Variants in PCSK5 observed in about 807,000 individuals in gnomAD.
PCSK5 encodes prohormone convertase 5.
PCSK5 carries 129 observed loss-of-function variants against 233.2 expected under a neutral mutation model. That is an observed-to-expected ratio of 0.55 (90% CI 0.48 to 0.64). The LOEUF is 0.64. PCSK5 is among the 30% of genes least tolerant of loss of function. The pLI, the probability that PCSK5 is intolerant of heterozygous loss-of-function variation, is 0.00. For synonymous variants in PCSK5, 825 were observed against 879.2 expected, an observed-to-expected ratio of 0.94 and a Z score of 1.09; for missense variants, 2,076 against 2,430.1, an observed-to-expected ratio of 0.85 and a Z score of 3.06.
At chr9:76,193,140 A>C in intron 20 of PCSK5, 2 of 1,059,780 alleles carry the variant, frequency 1.9e-6, no homozygotes, top group South Asian at 3.3e-5. Context: ...AATTCCCCAA[A>C]TCTGCCTCTC....
intron 1 of PCSK5, among the ~76,000 whole-genome samples, 189 bp downstream of exon 1, chr9:75,891,562 CA>C (rs1564063693): frequency 8.6e-5 from 12 of 138,792 alleles, no homozygotes; most frequent in East Asian, 4.0e-4. Flanking sequence ...CACACACACA[CA>C]CCCCAGAGTT....
chr9:75,961,835 C>G (rs1240306293), intron 2 of PCSK5, among the ~76,000 whole-genome samples: 2 of 152,202 alleles, frequency 1.3e-5, no homozygotes, highest in Non-Finnish European at 2.9e-5. Flanking sequence ...AAAAAATCAT[C>G]TCAACTGTTT....
At chr9:76,072,502 T>C (rs1025445462) in intron 7 of PCSK5, among the ~76,000 whole-genome samples, 12 of 152,270 alleles carry the variant, frequency 7.9e-5, no homozygotes, top group Non-Finnish European at 1.3e-4. Flanking sequence ...CTGTCTCATT[T>C]AAATTAAATT....
intron 1 of PCSK5, among the ~76,000 whole-genome samples, chr9:75,912,512 GATTCAGCATTT>G (rs1471090139): frequency 6.6e-6 from 1 of 152,162 alleles, no homozygotes; most frequent in Non-Finnish European, 1.5e-5. Context: ...TGGGGCTGGA[GATTCAGCATTT>G]CTAACAAGCT....
intron 2 of PCSK5, among the ~76,000 whole-genome samples, chr9:75,961,081 G>A (rs1392323172): frequency 6.6e-6 from 1 of 152,230 alleles, no homozygotes; most frequent in Non-Finnish European, 1.5e-5. Flanking sequence ...CAAAAGAGCT[G>A]TGTGGCTTAG....
intron 1 of PCSK5, among the ~76,000 whole-genome samples, chr9:75,928,100 G>T (rs1228222938): frequency 6.6e-6 from 1 of 152,180 alleles, no homozygotes; most frequent in Non-Finnish European, 1.5e-5. Context: ...AGAGTTGTGT[G>T]TAGAGTTGTG....
chr9:76,233,877 G>T (rs1430857409), intron 22 of PCSK5, among the ~76,000 whole-genome samples: 1 of 152,026 alleles, frequency 6.6e-6, no homozygotes, highest in Non-Finnish European at 1.5e-5. Flanking sequence ...AGAAGCATGA[G>T]GTCAGACATG....
chr9:76,337,172 T>C (rs1305622293), intron 34 of PCSK5, among the ~76,000 whole-genome samples: 1 of 148,782 alleles, frequency 6.7e-6, no homozygotes, highest in Non-Finnish European at 1.5e-5. Flanking sequence ...TTATTTTATG[T>C]TATCTTTTAT....
At chr9:76,266,705 C>T (rs1323904276) in intron 24 of PCSK5, among the ~76,000 whole-genome samples, 1 of 152,192 alleles carries the variant, frequency 6.6e-6, no homozygotes, top group Non-Finnish European at 1.5e-5. Flanking sequence ...CAGACTTAAG[C>T]AGCCACTTGT....
intron 7 of PCSK5, among the ~76,000 whole-genome samples, chr9:76,082,766 G>A (rs1323099392): frequency 6.6e-6 from 1 of 151,776 alleles, no homozygotes; most frequent in African/African-American, 2.4e-5. Flanking sequence ...ATCAGCAGGT[G>A]TATAATATTG....
intron 30 of PCSK5, among the ~76,000 whole-genome samples, chr9:76,316,416 A>C (rs1028874305): frequency 1.3e-5 from 2 of 152,036 alleles, no homozygotes; most frequent in Non-Finnish European, 2.9e-5. Context: ...GGAACAATGA[A>C]TCCATCAAAT....
At chr9:76,193,427 A>AT in intron 20 of PCSK5, 4 of 1,039,996 alleles carry the variant, frequency 3.8e-6, no homozygotes, top group Non-Finnish European at 3.9e-6. Context: ...AAAGCCAAAA[A>AT]GAAAAAAAAA....
At chr9:76,004,986 T>C (rs1194447082) in intron 3 of PCSK5, among the ~76,000 whole-genome samples, 2 of 152,258 alleles carry the variant, frequency 1.3e-5, no homozygotes, top group Non-Finnish European at 2.9e-5. Flanking sequence ...TAAGAAGATA[T>C]ATCTGGAGGT....
At chr9:76,134,057 C>T (rs3739728) in intron 9 of PCSK5, 52 bp from the exon 10 acceptor site, 69,483 of 1,119,460 alleles carry the variant, frequency 0.062, 3,594 homozygotes, top group East Asian at 0.27. Flanking sequence ...CTCTCTGCTT[C>T]CCCCATCTTT....
chr9:76,153,773 G>A (rs2131805974), intron 10 of PCSK5, among the ~76,000 whole-genome samples: 1 of 152,172 alleles, frequency 6.6e-6, no homozygotes, highest in Non-Finnish European at 1.5e-5. Flanking sequence ...TATGACACTT[G>A]GTGAATTAAA....
intron 16 of PCSK5, among the ~76,000 whole-genome samples, chr9:76,183,449 G>A (rs73458388): frequency 0.011 from 1,626 of 152,188 alleles, 32 homozygotes; most frequent in African/African-American, 0.038. Flanking sequence ...AGTTCATATC[G>A]TTCCCTTGAA....
chr9:76,227,604 A>T lies in PCSK5; in HGVS notation c.2728A>T (p.Arg910Trp). 1.9e-6 allele frequency: 3 copies of T among 1,603,040 alleles called. No homozygotes were observed. Among genetic ancestry groups the T allele is most frequent in the Non-Finnish European group, 2.6e-6 (3 of 1,172,688 alleles). The change falls in exon 21 of 38, where the codon AGG (arginine) becomes TGG (tryptophan). Residue 910 changes from arginine (R) to tryptophan (W), a missense_variant and splice_region_variant. Arg to Trp is a moderately radical substitution (Grantham distance 101, BLOSUM62 -3). This residue lies in a region of PCSK5 where 1,510 missense variants were observed against 1,538.1 expected (regional missense o/e 0.98). Coordinates refer to ENST00000674117, the MANE Select transcript of PCSK5 (RefSeq NM_001372043.1). ...AGACTGCACTACCTGCCCCATGACAAGGTAAGTGGCTTCTCAGGATCTCCC... is the reference window on the plus strand; with the variant it reads ...AGACTGCACTACCTGCCCCATGACATGGTAAGTGGCTTCTCAGGATCTCCC... ...QEDCTTCPMTRIFDDGRCVSN... is the reference protein window; with the variant it reads ...QEDCTTCPMTWIFDDGRCVSN...
intron 20 of PCSK5, among the ~76,000 whole-genome samples, chr9:76,218,662 T>TGA (rs3077118): frequency 0.16 from 23,427 of 150,944 alleles, 1,930 homozygotes; most frequent in Non-Finnish European, 0.18. Flanking sequence ...CCACATCCTA[T>TGA]GAGAGAGAGA....
At chr9:76,091,175 A>G (rs1831271290) in intron 7 of PCSK5, among the ~76,000 whole-genome samples, 1 of 152,130 alleles carries the variant, frequency 6.6e-6, no homozygotes. Context: ...AACAAGGGAA[A>G]TTTATTTTCT....
Sources: allele counts gnomAD v4.1 joint callset (sites outside exome capture counted in the v4.1 genomes callset), GRCh38; gene constraint gnomAD v4.1.1; regional missense constraint gnomAD v4.1.1; transcripts MANE v1.5; gene names NCBI Gene and HGNC (gene_info 2026-07-23, HGNC 2026-07-21).